UNC5A: variants seen among roughly 807,000 people sequenced by gnomAD.
UNC5A encodes the protein netrin receptor UNC5A.
UNC5A carries 20 observed loss-of-function variants against 87.4 expected under a neutral mutation model. The observed-to-expected ratio is 0.23, with a 90% CI of 0.16 to 0.33. The LOEUF (loss-of-function observed/expected upper bound fraction) is 0.33, where lower values mean the gene tolerates loss of function less well. Among genes scored for constraint, UNC5A ranks in the 10% least tolerant of loss-of-function variants. UNC5A has a pLI of 1.00. For synonymous variants in UNC5A, 438 were observed against 482.3 expected, an observed-to-expected ratio of 0.91 and a Z score of 1.20; for missense variants, 844 against 1,133.4, an observed-to-expected ratio of 0.74 and a Z score of 3.67.
At position 176,836,250 on chromosome 5, in the gene UNC5A, A is replaced by G. The variant is rs568814519; in HGVS notation, c.70+25430A>G. ...GGACATGATGCGAAGGGGAGATTGC[A>G]GCAAGCCATAGATGTTCTTCTCCCA... On this transcript the variant is annotated intron_variant, in intron 1 of 14. Coordinates refer to ENST00000329542, the MANE Select transcript of UNC5A (RefSeq NM_133369.3). Among the ~76,000 whole-genome samples, 3 of 152,342 alleles carry G rather than the reference A, an allele frequency of 2.0e-5. No homozygotes were observed. The South Asian group carries it at 6.2e-4, about 32-fold the overall frequency.
intron 1 of UNC5A, among the ~76,000 whole-genome samples, chr5:176,855,292 C>A (rs1427467520): frequency 6.6e-6 from 1 of 152,238 alleles, no homozygotes; most frequent in Non-Finnish European, 1.5e-5. Flanking sequence ...GGGCTCCATG[C>A]CCACGGCTCC....
At chr5:176,813,543 C>G (rs1561635253) in intron 1 of UNC5A, among the ~76,000 whole-genome samples, 1 of 152,190 alleles carries the variant, frequency 6.6e-6, no homozygotes, top group Non-Finnish European at 1.5e-5. Context: ...CCTAGGTCCT[C>G]CCAGGGGAGA....
chr5:176,853,153 G>C (rs1757586300), intron 1 of UNC5A, among the ~76,000 whole-genome samples: 1 of 152,230 alleles, frequency 6.6e-6, no homozygotes, highest in African/African-American at 2.4e-5. Flanking sequence ...TGGGGTGAGT[G>C]CAGAGCATTT....
rs761575711 is a variant in UNC5A at position 176,879,299 on chromosome 5, C to T, written c.2185-11C>T. On this transcript the variant is annotated splice_polypyrimidine_tract_variant and intron_variant, in intron 13 of 14. Coordinates refer to ENST00000329542, the MANE Select transcript of UNC5A (RefSeq NM_133369.3). Reference sequence around the variant, plus strand: ...AGTTCTAACAGGCACCTCTTTCCCTCCCACCTCCAGGACACAAGGTTTGCT... The same window carrying T: ...AGTTCTAACAGGCACCTCTTTCCCTTCCACCTCCAGGACACAAGGTTTGCT... The T allele has an allele frequency of 7.6e-6, 12 of 1,577,264 alleles. No individual in the cohort carries two copies. The East Asian group carries it at 2.5e-4, about 33-fold the overall frequency.
rs555437981 is a variant in UNC5A at position 176,832,859 on chromosome 5, G to C, written c.70+22039G>C. Among the ~76,000 whole-genome samples, 9 of 152,340 alleles carry C rather than the reference G, an allele frequency of 5.9e-5. No homozygotes were observed. In the South Asian group the frequency reaches 1.9e-3, roughly 32 times the overall value. The stretch of plus-strand genomic sequence containing the variant: ...AAATGAGGACTCCAGATGATCTCCA[G>C]ATGAGTCCTCCAAATGAGGACTGAC... On this transcript the variant is annotated intron_variant, in intron 1 of 14. Coordinates refer to ENST00000329542, the MANE Select transcript of UNC5A (RefSeq NM_133369.3).
intron 1 of UNC5A, among the ~76,000 whole-genome samples, chr5:176,819,614 G>C (rs987063001): frequency 6.6e-6 from 1 of 152,180 alleles, no homozygotes; most frequent in Non-Finnish European, 1.5e-5. Flanking sequence ...ACGGGATAGG[G>C]GAGAAGAGCA....
At chr5:176,849,096 G>A (rs190335590) in intron 1 of UNC5A, among the ~76,000 whole-genome samples, 20 of 152,296 alleles carry the variant, frequency 1.3e-4, no homozygotes, top group African/African-American at 3.8e-4. Flanking sequence ...GGAGTGTGGC[G>A]GCAGCGGGGG....
intron 1 of UNC5A, among the ~76,000 whole-genome samples, chr5:176,840,882 T>TC (rs1757260202): frequency 1.3e-5 from 2 of 152,112 alleles, no homozygotes; most frequent in Admixed American, 1.3e-4. Context: ...TTGTTATGGG[T>TC]CCCCCCACAA....
intron 1 of UNC5A, among the ~76,000 whole-genome samples, chr5:176,858,761 AGG>A (rs1288516268): frequency 8.8e-5 from 12 of 135,968 alleles, no homozygotes; most frequent in South Asian, 2.7e-4. Flanking sequence ...GAAGGAAGGA[AGG>A]AAGGAAGGAA....
At chr5:176,828,143 T>C (rs985760933) in intron 1 of UNC5A, among the ~76,000 whole-genome samples, 7 of 152,074 alleles carry the variant, frequency 4.6e-5, no homozygotes, top group Non-Finnish European at 8.8e-5. Flanking sequence ...CCGTTTTGTG[T>C]GTGTGTCTTG....
rs749784301 is a variant in UNC5A, at chr5:176,877,720, C to G, written c.1635+17C>G. The G allele has an allele frequency of 6.3e-7, 1 of 1,579,458 alleles. No individual in the cohort carries two copies. Among genetic ancestry groups the G allele is most frequent in the Admixed American group, 1.7e-5 (1 of 57,710 alleles). ...AGCTGGGAGGTGAGCAGGGAACTGACCCGGGCTCCAGAAGGGAACGTGGGC... is the reference window on the plus strand; with the variant it reads ...AGCTGGGAGGTGAGCAGGGAACTGAGCCGGGCTCCAGAAGGGAACGTGGGC... On this transcript the variant is annotated intron_variant, in intron 10 of 14. Coordinates refer to ENST00000329542, the MANE Select transcript of UNC5A (RefSeq NM_133369.3).
At position 176,869,018 on chromosome 5, in the gene UNC5A, A is replaced by G; in HGVS notation, c.721+54A>G. On this transcript the variant is annotated intron_variant, in intron 5 of 14. Transcript: ENST00000329542. This position sits in a 1 kb window ranked among gnomAD's most constrained non-coding sequence, Gnocchi z 9.1. ...GAGAGGCACTGCGGTGCCCCTGGGCAGTGACATGTGGCTGGTGGGGTGAAG... is the reference window on the plus strand; with the variant it reads ...GAGAGGCACTGCGGTGCCCCTGGGCGGTGACATGTGGCTGGTGGGGTGAAG... The G allele has an allele frequency of 6.5e-7, 1 of 1,531,682 alleles. No homozygotes were observed. The highest frequency in any genetic ancestry group is 1.4e-5 in the African/African-American group (1 of 73,024). 94.9% of individuals were successfully genotyped at this position (1,531,682 alleles called of 1,614,324 possible).
At chr5:176,853,990 G>A (rs376059914) in intron 1 of UNC5A, among the ~76,000 whole-genome samples, 3 of 152,204 alleles carry the variant, frequency 2.0e-5, no homozygotes, top group Admixed American at 1.3e-4. Context: ...TAGGCGGTTC[G>A]CACAAGGGGC....
intron 2 of UNC5A, among the ~76,000 whole-genome samples, chr5:176,864,435 C>G (rs1053402247): frequency 6.6e-6 from 1 of 152,240 alleles, no homozygotes; most frequent in African/African-American, 2.4e-5. Context: ...GGCAAGGCCC[C>G]TGCCAGGGAG....
In UNC5A at chr5:176,877,113, G is replaced by A. The variant is rs536232030; in HGVS notation, c.1379-79G>A. The A allele has an allele frequency of 1.6e-5, 19 of 1,193,306 alleles. No individual in the cohort carries two copies. In the East Asian group the frequency reaches 4.3e-4, roughly 27 times the overall value. 73.9% of individuals were successfully genotyped at this position (1,193,306 alleles called of 1,614,324 possible). A position where few individuals can be genotyped will look rare whatever the true frequency, so the allele number is the denominator to read the frequency against. On this transcript the variant is annotated intron_variant, in intron 8 of 14. Transcript: ENST00000329542. ...TGGCACCAGTCAGTCCTCACAGGAAGGCTCCTGGAGGGGCTGTGTGGTGGG... is the reference window on the plus strand; with the variant it reads ...TGGCACCAGTCAGTCCTCACAGGAAAGCTCCTGGAGGGGCTGTGTGGTGGG...
chr5:176,879,856 C>T lies in UNC5A; in HGVS notation c.2499C>T (p.Gly833=). Residue 833 remains glycine (G), a synonymous_variant, in exon 15 of 15, where the codon GGC becomes GGT. Transcript: ENST00000329542. ...CTGGACTGGGCCAGCCAGACGCTGGCCTCTTCACAGTGTCGGAGGCTGAGT... is the reference window on the plus strand; with the variant it reads ...CTGGACTGGGCCAGCCAGACGCTGGTCTCTTCACAGTGTCGGAGGCTGAGT... The part of the protein sequence containing the change: ...AVAGLGQPDA[G]LFTVSEAEC 1 of 1,612,290 alleles carries T rather than the reference C, an allele frequency of 6.2e-7. No homozygotes were observed. Among genetic ancestry groups the T allele is most frequent in the Non-Finnish European group, 8.5e-7 (1 of 1,179,772 alleles).
rs2113632230 is a variant in UNC5A at position 176,848,518 on chromosome 5, AATT to A, written c.71-14102_71-14100del. Among the ~76,000 whole-genome samples the A allele has an allele frequency of 6.6e-6, 1 of 152,316 alleles. No homozygotes were observed. Among genetic ancestry groups the A allele is most frequent in the East Asian group, 1.9e-4 (1 of 5,194 alleles). ...CATTAAGTGAAGTAAACAAGCTGGT[AATT>A]ATTTGGACAGTGGGTAATTAAAACG... On this transcript the variant is annotated intron_variant, in intron 1 of 14. Coordinates refer to ENST00000329542, the MANE Select transcript of UNC5A (RefSeq NM_133369.3). This position sits in a 1 kb window ranked among gnomAD's most constrained non-coding sequence, Gnocchi z 5.8.
At position 176,810,684 on chromosome 5, in the gene UNC5A, G is replaced by C; in HGVS notation, c.-67G>C. The C allele has an allele frequency of 1.7e-6, 1 of 579,514 alleles. No individual in the cohort carries two copies. Among genetic ancestry groups the C allele is most frequent in the South Asian group, 7.3e-5 (1 of 13,722 alleles). The allele number at this position is 579,514 out of a possible 1,614,324, so 35.9% of individuals were successfully genotyped here. The stretch of plus-strand genomic sequence containing the variant: ...GCCCCGAGCTGGGGCTCCGGGCTGA[G>C]GCGCTAAAGCCGCCCTCCCGCCCGC... On this transcript the variant is annotated 5_prime_UTR_variant, in exon 1 of 15. Coordinates refer to ENST00000329542, the MANE Select transcript of UNC5A (RefSeq NM_133369.3). The surrounding 1 kb of genome is among the most constrained non-coding windows in gnomAD (Gnocchi z 7.3).
chr5:176,869,709 G>T lies in UNC5A; in HGVS notation c.722-661G>T. On this transcript the variant is annotated intron_variant, in intron 5 of 14. Coordinates refer to ENST00000329542, the MANE Select transcript of UNC5A (RefSeq NM_133369.3). The surrounding 1 kb of genome is among the most constrained non-coding windows in gnomAD (Gnocchi z 9.1). ...ACGGAGCCGGAGCTGCACCAACCCG[G>T]CGCCTCTCAACGGGGGCGCTTTCTG... The T allele has an allele frequency of 1.5e-6, 1 of 676,800 alleles. No homozygotes were observed. Among genetic ancestry groups the T allele is most frequent in the East Asian group, 2.7e-5 (1 of 36,600 alleles). 41.9% of individuals were successfully genotyped at this position (676,800 alleles called of 1,614,324 possible). A position where few individuals can be genotyped will look rare whatever the true frequency, so the allele number is the denominator to read the frequency against.
Sources: allele counts gnomAD v4.1 joint callset (sites outside exome capture counted in the v4.1 genomes callset), GRCh38; gene constraint gnomAD v4.1.1; non-coding constraint Gnocchi (gnomAD v3.1); transcripts MANE v1.5; gene names NCBI Gene and HGNC (gene_info 2026-07-23, HGNC 2026-07-21).